Variants in NETO1 observed in about 807,000 individuals in gnomAD.
NETO1 encodes neuropilin and tolloid-like protein 1.
NETO1 carries 26 observed loss-of-function variants against 61.3 expected under a neutral mutation model. That is an observed-to-expected ratio of 0.42 (90% confidence interval 0.31 to 0.59). The LOEUF is 0.59. Ranked by LOEUF, NETO1 falls within the 20% of genes least tolerant of loss-of-function variation. NETO1 has a pLI of 0.12. For synonymous variants in NETO1, 225 were observed against 225.8 expected (o/e 1.00, Z 0.03); for missense variants, 531 against 662.8 (o/e 0.80, Z 2.18).
At chr18:72,835,082 G>A (rs1368018830) in intron 4 of NETO1, 1 of 1,099,326 alleles carries the variant, frequency 9.1e-7, no homozygotes, top group East Asian at 5.0e-5. Context: ...CTTCATCTGG[G>A]TTTCAAGGTA....
intron 6 of NETO1, among the ~76,000 whole-genome samples, chr18:72,786,362 T>A (rs953020941): frequency 6.6e-6 from 1 of 152,090 alleles, no homozygotes; most frequent in African/African-American, 2.4e-5. Context: ...CCAGACACAA[T>A]TTGATGAGAA....
chr18:72,792,198 G>C (rs191176969), intron 6 of NETO1, among the ~76,000 whole-genome samples: 1 of 152,238 alleles, frequency 6.6e-6, no homozygotes, highest in East Asian at 1.9e-4. Context: ...TTGGGAGGCC[G>C]ATGTGGGCAG....
chr18:72,821,726 G>A (rs1228586496), intron 4 of NETO1, among the ~76,000 whole-genome samples: 3 of 152,120 alleles, frequency 2.0e-5, no homozygotes, highest in Non-Finnish European at 4.4e-5. Flanking sequence ...AAGAACGTGA[G>A]ACGTTGAGGT....
At chr18:72,821,234 T>TAAAAAAAAAAAAAAAAAAGA (rs2073185352) in intron 4 of NETO1, among the ~76,000 whole-genome samples, 1 of 80,220 alleles carries the variant, frequency 1.2e-5, no homozygotes, top group Non-Finnish European at 2.3e-5. Flanking sequence ...TCATATTAAC[T>TAAAAAAAAAAAAAAAAAAGA]AAAAAAAAAA....
rs1359339108 is a variant in NETO1, at chr18:72,799,518, G to A, written c.470-5114C>T. ...AATGGAGTGGCTGCCATGACTGGACGGCTTTCTTGTTTCCCTACCTTGGTC... is the reference window on the plus strand; with the variant it reads ...AATGGAGTGGCTGCCATGACTGGACAGCTTTCTTGTTTCCCTACCTTGGTC... On this transcript the variant is annotated intron_variant, in intron 4 of 10. Coordinates refer to ENST00000327305, the MANE Select transcript of NETO1 (RefSeq NM_138966.5). Among the ~76,000 whole-genome samples the A allele has an allele frequency of 3.9e-5, 6 of 152,194 alleles. No homozygotes were observed. In the East Asian group the frequency reaches 5.8e-4, roughly 15 times the overall value.
At position 72,860,726 on chromosome 18, in the gene NETO1, G is replaced by A. The variant is rs62103396; in HGVS notation, c.221-1652C>T. On this transcript the variant is annotated intron_variant, in intron 3 of 10. Transcript: ENST00000327305. Reference sequence around the variant, plus strand: ...ACAGATTTGAGGGAGTTTCAATGACGTGGTTTTTTTTTTTCTTTTCTTTTT... The same window carrying A: ...ACAGATTTGAGGGAGTTTCAATGACATGGTTTTTTTTTTTCTTTTCTTTTT... 1.5e-4 allele frequency among the ~76,000 whole-genome samples: 18 copies of A among 117,592 alleles called. No individual in the cohort carries two copies. The South Asian group carries it at 2.3e-3, about 15-fold the overall frequency. The allele number at this position is 117,592 out of a possible 152,430, so 77.1% of individuals were successfully genotyped here. A position where few individuals can be genotyped will look rare whatever the true frequency, so the allele number is the denominator to read the frequency against.
At chr18:72,758,569 G>C (rs952225913) in intron 7 of NETO1, among the ~76,000 whole-genome samples, 1 of 152,120 alleles carries the variant, frequency 6.6e-6, no homozygotes, top group East Asian at 1.9e-4. Context: ...GGGCGTGGTG[G>C]CTCACGCCTG....
intron 7 of NETO1, among the ~76,000 whole-genome samples, chr18:72,758,303 C>T (rs966294358): frequency 6.6e-6 from 1 of 151,074 alleles, no homozygotes; most frequent in Non-Finnish European, 1.5e-5. Flanking sequence ...TTTTAACATG[C>T]TTTTTCACAT....
chr18:72,853,254 G>C (rs2074310063), intron 4 of NETO1: 1 of 152,126 alleles, frequency 6.6e-6, no homozygotes, highest in Admixed American at 6.5e-5. Flanking sequence ...TTCCATTTAA[G>C]AGCCTCTGCT....
chr18:72,844,710 G>T (rs1041706996), intron 4 of NETO1, among the ~76,000 whole-genome samples: 1 of 151,610 alleles, frequency 6.6e-6, no homozygotes, highest in Non-Finnish European at 1.5e-5. Context: ...TTAAGCATCA[G>T]TTGTGGCTAA....
At chr18:72,763,755 C>G (rs12960991) in intron 7 of NETO1, among the ~76,000 whole-genome samples, 8 of 151,840 alleles carry the variant, frequency 5.3e-5, no homozygotes, top group Admixed American at 5.2e-4. Context: ...CTCACAAACA[C>G]GTATGGAAAA....
In NETO1 at chr18:72,746,437, T is replaced by C. The variant is rs2070433905; in HGVS notation, c.*1742A>G. Among the ~76,000 whole-genome samples the C allele has an allele frequency of 6.6e-6, 1 of 152,162 alleles. No individual in the cohort carries two copies. Among genetic ancestry groups the C allele is most frequent in the South Asian group, 2.1e-4 (1 of 4,834 alleles). On this transcript the variant is annotated 3_prime_UTR_variant, in exon 11 of 11. Transcript: ENST00000327305. ...GTAGCATAACAATGAAAAATAATCT[T>C]TGTCATGTTCAAAACCTTTTCTGAT...
intron 1 of NETO1, chr18:72,865,789 A>T: frequency 8.3e-7 from 1 of 1,205,548 alleles, no homozygotes; most frequent in South Asian, 1.7e-5. Context: ...GTGGGCATTA[A>T]GCACCATTAT....
Position 72,861,372 on chromosome 18 carries a change from A to G in NETO1, c.221-2298T>C, listed in dbSNP as rs1034594628. On this transcript the variant is annotated intron_variant, in intron 3 of 10. Coordinates refer to ENST00000327305, the MANE Select transcript of NETO1 (RefSeq NM_138966.5). ...GTTTGCCACATACTTATTGTGCTAG[A>G]TTAAAAATGAGTGATTATGGCACAT... 2.6e-5 allele frequency among the ~76,000 whole-genome samples: 4 copies of G among 152,252 alleles called. No homozygotes were observed. In the East Asian group the frequency reaches 7.7e-4, roughly 29 times the overall value.
intron 4 of NETO1, among the ~76,000 whole-genome samples, chr18:72,856,473 C>A (rs1171113177): frequency 6.6e-6 from 1 of 152,176 alleles, no homozygotes; most frequent in African/African-American, 2.4e-5. Flanking sequence ...CTAATAAAAA[C>A]AACAGCTATC....
chr18:72,837,212 T>C (rs1410844784), intron 4 of NETO1, among the ~76,000 whole-genome samples: 2 of 152,120 alleles, frequency 1.3e-5, no homozygotes, highest in South Asian at 4.1e-4. Flanking sequence ...TGGCATTCAT[T>C]TGGGGATCTG....
chr18:72,867,306 C>G lies in NETO1; in HGVS notation c.-15G>C. 1 of 1,565,006 alleles carries G rather than the reference C, an allele frequency of 6.4e-7. No homozygotes were observed. On this transcript the variant is annotated 5_prime_UTR_variant, in exon 1 of 11. Transcript: ENST00000327305. ...CCATGGATCATGTCTGTGCGTTACA[C>G]CAGAGGCTCCGGGCTCCACTAATTC...
chr18:72,770,689 G>A (rs1468212749), intron 7 of NETO1, among the ~76,000 whole-genome samples: 1 of 152,124 alleles, frequency 6.6e-6, no homozygotes. Context: ...CTAAGTTACG[G>A]TTGGTAACAC....
chr18:72,755,220 T>C (rs79931194), intron 8 of NETO1, among the ~76,000 whole-genome samples: 3,689 of 152,248 alleles, frequency 0.024, 139 homozygotes, highest in African/African-American at 0.083. Context: ...AAGTAATGGA[T>C]TACGAAAGTA....
Sources: allele counts gnomAD v4.1 joint callset (sites outside exome capture counted in the v4.1 genomes callset), GRCh38; gene constraint gnomAD v4.1.1; transcripts MANE v1.5; gene names NCBI Gene and HGNC (gene_info 2026-07-23, HGNC 2026-07-21).